Variants in SF1 observed in about 807,000 individuals in gnomAD.
The protein encoded by SF1 is branch point-binding protein.
A neutral mutation model predicts 62.5 loss-of-function variants in SF1; 7 were observed. The observed-to-expected ratio is 0.11, with a 90% CI of 0.06 to 0.21. The LOEUF (loss-of-function observed/expected upper bound fraction) is 0.21. SF1 is among the 10% of genes least tolerant of loss of function. The pLI, the probability that SF1 is intolerant of heterozygous loss-of-function variation, is 1.00. For synonymous variants in SF1, 394 were observed against 323.6 expected, an observed-to-expected ratio of 1.22 and a Z score of -2.33; for missense variants, 578 against 884.0, an observed-to-expected ratio of 0.65 and a Z score of 4.39.
rs2058610049 is a variant in SF1 at position 64,765,796 on chromosome 11, T to C, written c.*22A>G. On this transcript the variant is annotated 3_prime_UTR_variant, in exon 13 of 13. Coordinates refer to ENST00000377390, the MANE Select transcript of SF1 (RefSeq NM_004630.4). ...AGACCAATTCTCTCTATATATAATA[T>C]ATATTTTCTTAAAAAACAAGTCTAG... is the stretch of plus-strand genomic sequence containing the variant. The C allele has an allele frequency of 5.2e-6, 8 of 1,526,792 alleles. No individual in the cohort carries two copies. Among genetic ancestry groups the C allele is most frequent in the Admixed American group, 2.2e-5 (1 of 45,308 alleles). The allele number at this position is 1,526,792 out of a possible 1,614,324, so 94.6% of individuals were successfully genotyped here.
intron 3 of SF1, chr11:64,772,691 T>C: frequency 1.0e-6 from 1 of 985,414 alleles, no homozygotes; most frequent in Non-Finnish European, 1.2e-6. Flanking sequence ...GCTAATAAAA[T>C]TCCAGTTTAA....
chr11:64,772,235 T>C lies in SF1; in HGVS notation c.236+1195A>G, dbSNP rs546549072. 4.0e-5 allele frequency: 39 copies of C among 985,190 alleles called. No homozygotes were observed. The East Asian group carries it at 5.7e-4, about 14-fold the overall frequency. The allele number at this position is 985,190 out of a possible 1,614,324, so 61.0% of individuals were successfully genotyped here. ...GTTAAAAATTCAACCTTTGGAGGAA[T>C]TGACTGGTGACCTGTAGACATATTA... On this transcript the variant is annotated intron_variant, in intron 3 of 12. Coordinates refer to ENST00000377390, the MANE Select transcript of SF1 (RefSeq NM_004630.4).
intron 1 of SF1, chr11:64,777,673 CCT>C (rs1186890463): frequency 2.4e-5 from 24 of 985,524 alleles, no homozygotes; most frequent in African/African-American, 3.5e-5. Flanking sequence ...ACCCGCCACC[CCT>C]GTTCCCGACA....
Position 64,765,827 on chromosome 11 carries a change from TGGTGGAGGC to T in SF1, c.1902_1910del (p.Pro635_Pro637del). On this transcript the variant is annotated inframe_deletion, in exon 13 of 13. Transcript: ENST00000377390. The stretch of plus-strand genomic sequence containing the variant: ...TTCTTAAAAAACAAGTCTAGTTCTG[TGGTGGAGGC>T]GGTGGGGGAGCTGGAGGCATCCCGA... 2 of 1,549,680 alleles carry T rather than the reference TGGTGGAGGC, an allele frequency of 1.3e-6. No individual in the cohort carries two copies. Among genetic ancestry groups the T allele is most frequent in the East Asian group, 2.4e-5 (1 of 41,140 alleles).
At chr11:64,778,306 C>T (rs1939746587) in intron 1 of SF1, 56 bp downstream of exon 1, 10 of 1,221,672 alleles carry the variant, frequency 8.2e-6, no homozygotes, top group Middle Eastern at 2.9e-4. Flanking sequence ...GAGGGCCCGG[C>T]TCGAAGCCTC....
chr11:64,777,721 T>C (rs1294750994), intron 1 of SF1: 17 of 985,406 alleles, frequency 1.7e-5, no homozygotes, highest in Non-Finnish European at 2.0e-5. Flanking sequence ...GCCCCCAGTC[T>C]ATACAGTTGC....
At position 64,769,525 on chromosome 11, in the gene SF1, A is replaced by C. The variant is rs1319030909; in HGVS notation, c.564T>G (p.Val188=). 1 of 1,614,126 alleles carries C rather than the reference A, an allele frequency of 6.2e-7. No homozygotes were observed. Among genetic ancestry groups the C allele is most frequent in the Non-Finnish European group, 8.5e-7 (1 of 1,180,012 alleles). The change falls in exon 6 of 13, where the codon GTT becomes GTG. Residue 188 remains valine (V), a synonymous_variant. Transcript: ENST00000377390. ...RGKGSVKEGK[V]GRKDGQMLPG... ...GCAACATCTGGCCATCTTTGCGCCC[A>C]ACCTTCCCTTCTTTCACAGACCCTT...
intron 3 of SF1, 180 bp downstream of exon 3, chr11:64,773,250 C>T: frequency 7.1e-7 from 1 of 1,405,624 alleles, no homozygotes; most frequent in Non-Finnish European, 9.2e-7. Flanking sequence ...AGTTTTATTC[C>T]AATTTTCTAA....
chr11:64,767,524 T>C lies in SF1; in HGVS notation c.1342+47A>G, dbSNP rs774252731. 10 of 1,512,830 alleles carry C rather than the reference T, an allele frequency of 6.6e-6. No individual in the cohort carries two copies. In the African/African-American group the frequency reaches 8.4e-5, roughly 13 times the overall value. 93.7% of individuals were successfully genotyped at this position (1,512,830 alleles called of 1,614,324 possible). On this transcript the variant is annotated intron_variant, in intron 10 of 12. Coordinates refer to ENST00000377390, the MANE Select transcript of SF1 (RefSeq NM_004630.4). ...GCCAACAGCGACCTGACGTAACCCC[T>C]TGCTTATCCCAAAGCCCCCAAGGTT...
At chr11:64,776,710 A>G (rs543750238) in intron 1 of SF1, 84 bp from the exon 2 acceptor site, 1 of 1,330,446 alleles carries the variant, frequency 7.5e-7, no homozygotes, top group African/African-American at 1.5e-5. Flanking sequence ...TACTACACAG[A>G]AACTCAGCAG....
chr11:64,768,903 G>C, intron 8 of SF1, 119 bp downstream of exon 8: 1 of 776,244 alleles, frequency 1.3e-6, no homozygotes, highest in Non-Finnish European at 2.3e-6. Context: ...CACCATTACA[G>C]ACCACACTAA....
At chr11:64,770,580 G>C (rs1360384698) in intron 3 of SF1, 172 bp from the exon 4 acceptor site, 6 of 683,518 alleles carry the variant, frequency 8.8e-6, no homozygotes, top group Non-Finnish European at 1.4e-5. Context: ...GGAGATGGAA[G>C]CTGGCTTAAC....
chr11:64,765,635 C>T lies in SF1; in HGVS notation c.*183G>A, dbSNP rs1249271011. The T allele has an allele frequency of 1.3e-6, 2 of 1,494,230 alleles. No homozygotes were observed. Among genetic ancestry groups the T allele is most frequent in the Admixed American group, 4.9e-5 (2 of 41,146 alleles). 92.6% of individuals were successfully genotyped at this position (1,494,230 alleles called of 1,614,324 possible). ...GCCCAAGCTGGCGCCCCTACTACCA[C>T]CTGCCCGTTCCCAAGCGAATCCTCA... On this transcript the variant is annotated 3_prime_UTR_variant, in exon 13 of 13. Transcript: ENST00000377390.
At chr11:64,770,799 C>T (rs1188024746) in intron 3 of SF1, among the ~76,000 whole-genome samples, 1 of 152,120 alleles carries the variant, frequency 6.6e-6, no homozygotes, top group African/African-American at 2.4e-5. Context: ...ACCACAGAAA[C>T]CCCAAGTTTA....
chr11:64,768,362 A>T, intron 8 of SF1, 76 bp from the exon 9 acceptor site: 1 of 1,388,582 alleles, frequency 7.2e-7, no homozygotes, highest in Non-Finnish European at 1.0e-6. Context: ...CTGAGGAACC[A>T]ACATATGGAA....
intron 1 of SF1, 86 bp downstream of exon 1, chr11:64,778,276 C>T (rs1226290247): frequency 1.6e-6 from 2 of 1,214,058 alleles, no homozygotes; most frequent in Non-Finnish European, 1.0e-6. Flanking sequence ...GCAGCCCCGC[C>T]CCAGGCCCGG....
chr11:64,770,539 A>C, intron 3 of SF1, 131 bp from the exon 4 acceptor site: 1 of 954,642 alleles, frequency 1.0e-6, no homozygotes, highest in Non-Finnish European at 1.6e-6. Flanking sequence ...AACCGACCAT[A>C]ACGTGTGCTA....
Position 64,776,700 on chromosome 11 carries a change from T to C in SF1, c.32-74A>G, listed in dbSNP as rs574932890. 7.0e-6 allele frequency: 10 copies of C among 1,438,068 alleles called. No homozygotes were observed. The African/African-American group carries it at 1.0e-4, about 15-fold the overall frequency. 89.1% of individuals were successfully genotyped at this position (1,438,068 alleles called of 1,614,324 possible). On this transcript the variant is annotated intron_variant, in intron 1 of 12. Coordinates refer to ENST00000377390, the MANE Select transcript of SF1 (RefSeq NM_004630.4). ...AACAGACAGCTAAGGGTATTTAAGGTACTACACAGAAACTCAGCAGACTGT... is the reference window on the plus strand; with the variant it reads ...AACAGACAGCTAAGGGTATTTAAGGCACTACACAGAAACTCAGCAGACTGT...
intron 2 of SF1, among the ~76,000 whole-genome samples, chr11:64,775,751 C>CA (rs751912994): frequency 3.8e-4 from 58 of 151,954 alleles, no homozygotes; most frequent in Non-Finnish European, 7.5e-4. Context: ...CTTTTTTTTC[C>CA]AAAAAAGCAA....
Sources: gnomAD v4.1 joint callset for allele counts (sites outside exome capture counted in the v4.1 genomes callset) on GRCh38, gnomAD v4.1.1 for gene constraint, MANE v1.5 for transcripts, NCBI Gene and HGNC (gene_info 2026-07-23, HGNC 2026-07-21) for gene names.